Variants in JMJD1C observed in about 807,000 individuals in gnomAD.
JMJD1C encodes jumonji domain containing 1C, also known as jumonji domain-containing protein 1C.
In JMJD1C, 31 loss-of-function variants were observed where a neutral mutation model predicts 245.3. That is an observed-to-expected ratio of 0.13 (90% CI 0.09 to 0.17). JMJD1C has a LOEUF of 0.17. Among genes scored for constraint, JMJD1C ranks in the 10% least tolerant of loss-of-function variants. The pLI, the probability that JMJD1C is intolerant of heterozygous loss-of-function variation, is 1.00. For missense variants in JMJD1C, 2,691 were observed against 3,000.2 expected, an observed-to-expected ratio of 0.90 and a Z score of 2.41; for synonymous variants, 1,057 against 1,017.4, an observed-to-expected ratio of 1.04 and a Z score of -0.74.
intron 2 of JMJD1C, among the ~76,000 whole-genome samples, chr10:63,316,210 T>C (rs954684456): frequency 3.3e-5 from 5 of 152,230 alleles, no homozygotes; most frequent in Non-Finnish European, 4.4e-5. Context: ...TGTTTTCATT[T>C]AGCACTTCAA....
chr10:63,167,759 A>G lies in JMJD1C; in HGVS notation c.*286T>C. On this transcript the variant is annotated 3_prime_UTR_variant, in exon 26 of 26. Transcript: ENST00000399262. ...TAGAATTTTTTATTTTTTACCAAAA[A>G]TAAATACATCATTTTAAATCTGGCA... 4.0e-6 allele frequency: 1 copy of G among 247,868 alleles called. No individual in the cohort carries two copies. Among genetic ancestry groups the G allele is most frequent in the Non-Finnish European group, 7.7e-6 (1 of 129,130 alleles). The allele number at this position is 247,868 out of a possible 1,614,324, so 15.4% of individuals were successfully genotyped here. A position where few individuals can be genotyped will look rare whatever the true frequency, so the allele number is the denominator to read the frequency against.
chr10:63,465,591 A>G lies in JMJD1C; in HGVS notation c.72T>C (p.Arg24=), dbSNP rs182663630. The change falls in exon 1 of 26, where the codon CGT becomes CGC. Residue 24 remains arginine, a synonymous_variant. Coordinates refer to ENST00000399262, the MANE Select transcript of JMJD1C (RefSeq NM_032776.3). The part of the protein sequence containing the change: ...FLCVAVGDEA[R]SERWESGRGW... ...CGCGTCCGCTCTCCCAGCGCTCCGAACGTGCCTCGTCGCCGACCGCCACAC... is the reference window on the plus strand; with the variant it reads ...CGCGTCCGCTCTCCCAGCGCTCCGAGCGTGCCTCGTCGCCGACCGCCACAC... 1.2e-4 allele frequency: 186 copies of G among 1,609,606 alleles called. 1 individual carries two copies. In the African/African-American group the frequency reaches 2.2e-3, roughly 19 times the overall value.
chr10:63,328,446 G>C (rs1438851558), intron 2 of JMJD1C, among the ~76,000 whole-genome samples: 5 of 152,140 alleles, frequency 3.3e-5, no homozygotes, highest in South Asian at 4.1e-4. Context: ...ATTACGAATT[G>C]AAATACACAC....
At chr10:63,439,153 TG>T (rs1327768561) in intron 1 of JMJD1C, among the ~76,000 whole-genome samples, 5 of 152,332 alleles carry the variant, frequency 3.3e-5, no homozygotes, top group Non-Finnish European at 5.9e-5. Flanking sequence ...GATGCTTGTG[TG>T]AAAACGGTCT....
intron 2 of JMJD1C, among the ~76,000 whole-genome samples, chr10:63,328,306 T>C (rs1206392009): frequency 2.0e-5 from 3 of 151,134 alleles, no homozygotes; most frequent in East Asian, 3.9e-4. Context: ...AAAAGAAATA[T>C]ATAAAAATGC....
At chr10:63,422,615 A>G (rs1167783637) in intron 1 of JMJD1C, among the ~76,000 whole-genome samples, 1 of 152,182 alleles carries the variant, frequency 6.6e-6, no homozygotes. Flanking sequence ...AGACCCACTC[A>G]ATGAACATTA....
At chr10:63,333,761 C>T (rs1309375229) in intron 2 of JMJD1C, among the ~76,000 whole-genome samples, 2 of 152,170 alleles carry the variant, frequency 1.3e-5, no homozygotes. Context: ...AAGGCTTCTA[C>T]ACTATCTCTT....
At chr10:63,370,283 C>T (rs1045237277) in intron 2 of JMJD1C, among the ~76,000 whole-genome samples, 2 of 152,172 alleles carry the variant, frequency 1.3e-5, no homozygotes, top group Admixed American at 6.5e-5. Context: ...TTTGGGAATG[C>T]CTCAAACTTG....
At chr10:63,181,610 A>AAG (rs1476619929) in intron 22 of JMJD1C, among the ~76,000 whole-genome samples, 1 of 152,102 alleles carries the variant, frequency 6.6e-6, no homozygotes, top group Non-Finnish European at 1.5e-5. Flanking sequence ...TAGATAAAGA[A>AAG]AGAGAGCAAA....
intron 2 of JMJD1C, among the ~76,000 whole-genome samples, chr10:63,341,472 T>C (rs779611051): frequency 6.6e-6 from 1 of 152,198 alleles, no homozygotes; most frequent in South Asian, 2.1e-4. Context: ...TATGCATACA[T>C]AAATGTACAC....
chr10:63,410,000 G>A (rs1198272701), intron 1 of JMJD1C, among the ~76,000 whole-genome samples: 1 of 152,062 alleles, frequency 6.6e-6, no homozygotes, highest in African/African-American at 2.4e-5. Flanking sequence ...TGGCACAGAG[G>A]AAGTAATAAA....
chr10:63,476,069 G>T (rs10761772), intron 1 of JMJD1C, among the ~76,000 whole-genome samples: 63,607 of 151,318 alleles, frequency 0.42, 14,097 homozygotes, highest in South Asian at 0.53. Context: ...AATTAGCCAG[G>T]CATGGTGGCA....
Position 63,206,882 on chromosome 10 carries a change from T to C in JMJD1C, c.4787A>G (p.Asn1596Ser). 1 of 1,609,008 alleles carries C rather than the reference T, an allele frequency of 6.2e-7. No homozygotes were observed. Among genetic ancestry groups the C allele is most frequent in the South Asian group, 1.1e-5 (1 of 90,380 alleles). Residue 1596 changes from asparagine (N) to serine (S), a missense_variant, in exon 10 of 26, where the codon AAT (asparagine) becomes AGT (serine). This residue lies in a region of JMJD1C where 144 missense variants were observed against 143.3 expected (regional missense o/e 1.00). Transcript: ENST00000399262. ...LIASTSSDIQ[N>S]SVDSKIIVDK... ...AACTATGATCTTACTATCTACACTA[T>C]TTTGTATATCACTAGATGTAGAGGC...
Position 63,213,641 on chromosome 10 carries a change from A to C in JMJD1C, c.2526T>G (p.Pro842=). ...QQQQLLQHQS[P]HLLGQAHPSA... ...AAGGATGGGCTTGTCCAAGAAGATG[A>C]GGTGACTGGTGCTGTAACAACTGTT... The change falls in exon 8 of 26, where the codon CCT becomes CCG. Residue 842 remains proline, a synonymous_variant. Coordinates refer to ENST00000399262, the MANE Select transcript of JMJD1C (RefSeq NM_032776.3). 1 of 1,614,224 alleles carries C rather than the reference A, an allele frequency of 6.2e-7. No homozygotes were observed.
At chr10:63,277,053 T>C (rs1589365933) in intron 2 of JMJD1C, among the ~76,000 whole-genome samples, 1 of 151,368 alleles carries the variant, frequency 6.6e-6, no homozygotes. Flanking sequence ...AGCTAAGTTT[T>C]TGTATTTTTA....
Position 63,207,352 on chromosome 10 carries a change from A to G in JMJD1C, c.4317T>C (p.Ser1439=), listed in dbSNP as rs147444869. 6.8e-6 allele frequency: 11 copies of G among 1,613,916 alleles called. No homozygotes were observed. Among genetic ancestry groups the G allele is most frequent in the Non-Finnish European group, 9.3e-6 (11 of 1,180,030 alleles). ...ATTCTTGTTTTTGAGCCACTGGCTG[A>G]CTGACACTTTTTGAAGATACACATT... ...SSECVSSKSV[S]QPVAQKQECK... Residue 1439 remains serine, a synonymous_variant, in exon 10 of 26, where the codon AGT becomes AGC. Coordinates refer to ENST00000399262, the MANE Select transcript of JMJD1C (RefSeq NM_032776.3).
intron 10 of JMJD1C, chr10:63,202,779 G>C (rs1255587539): frequency 2.8e-5 from 28 of 985,048 alleles, no homozygotes; most frequent in Non-Finnish European, 3.0e-5. Flanking sequence ...TTTTTCCTAT[G>C]AACTGTGTAA....
intron 3 of JMJD1C, among the ~76,000 whole-genome samples, chr10:63,243,124 TAA>T (rs1491132441): frequency 5.5e-4 from 47 of 85,790 alleles, no homozygotes; most frequent in African/African-American, 1.2e-3. Context: ...TATATATATA[TAA>T]ATATATATAT....
chr10:63,189,681 G>T (rs1844531428), intron 17 of JMJD1C, among the ~76,000 whole-genome samples: 1 of 151,994 alleles, frequency 6.6e-6, no homozygotes, highest in Non-Finnish European at 1.5e-5. Context: ...CATTGTTATA[G>T]GCCTGGGACA....
Sources: allele counts gnomAD v4.1 joint callset (sites outside exome capture counted in the v4.1 genomes callset), GRCh38; gene constraint gnomAD v4.1.1; regional missense constraint gnomAD v4.1.1; transcripts MANE v1.5; gene names NCBI Gene and HGNC (gene_info 2026-07-23, HGNC 2026-07-21).